DOCK5: variants seen among roughly 807,000 people sequenced by gnomAD.
DOCK5 encodes dedicator of cytokinesis protein 5.
A neutral mutation model predicts 251.8 loss-of-function variants in DOCK5; 142 were observed. The observed-to-expected ratio is 0.56, with a 90% confidence interval of 0.49 to 0.65. The LOEUF (loss-of-function observed/expected upper bound fraction) is 0.65, where lower values mean the gene tolerates loss of function less well. Among genes scored for constraint, DOCK5 ranks in the 30% least tolerant of loss-of-function variants. The pLI is 0.00. For synonymous variants in DOCK5, 842 were observed against 835.5 expected (o/e 1.01, Z -0.13); for missense variants, 2,111 against 2,312.3 (o/e 0.91, Z 1.79).
chr8:25,336,352 A>G lies in DOCK5; in HGVS notation c.2306A>G (p.Gln769Arg). Residue 769 changes from glutamine to arginine, a missense_variant, in exon 22 of 52, where the codon CAA becomes CGA. Coordinates refer to ENST00000276440, the MANE Select transcript of DOCK5 (RefSeq NM_024940.8). ...AAGTACTTGTTTAGATTCATCATCCAATCCCGAGTGCTCTACTTGAGGTAA... is the reference window on the plus strand; with the variant it reads ...AAGTACTTGTTTAGATTCATCATCCGATCCCGAGTGCTCTACTTGAGGTAA... ...ALKYLFRFII[Q>R]SRVLYLRFYG... 6.2e-7 allele frequency: 1 copy of G among 1,613,924 alleles called. No homozygotes were observed. Among genetic ancestry groups the G allele is most frequent in the Non-Finnish European group, 8.5e-7 (1 of 1,179,818 alleles).
intron 34 of DOCK5, among the ~76,000 whole-genome samples, chr8:25,372,259 A>G (rs1800885814): frequency 6.6e-6 from 1 of 152,354 alleles, no homozygotes; most frequent in South Asian, 2.1e-4. Context: ...AAAAACAGAC[A>G]TTGAAAGAAG....
At chr8:25,402,384 C>G (rs1158944759) in intron 47 of DOCK5, among the ~76,000 whole-genome samples, 1 of 152,138 alleles carries the variant, frequency 6.6e-6, no homozygotes, top group African/African-American at 2.4e-5. Context: ...GCAAGCTCTG[C>G]CTCCCAGGTT....
At chr8:25,220,555 C>A (rs1258649087) in intron 1 of DOCK5, among the ~76,000 whole-genome samples, 1 of 151,872 alleles carries the variant, frequency 6.6e-6, no homozygotes, top group Non-Finnish European at 1.5e-5. Context: ...TTCTGTTACC[C>A]CCAGCTCTCC....
chr8:25,301,324 G>A (rs2117166902), intron 9 of DOCK5, among the ~76,000 whole-genome samples: 1 of 152,210 alleles, frequency 6.6e-6, no homozygotes, highest in African/African-American at 2.4e-5. Context: ...ATTAACAGAA[G>A]CCTTGCAGAC....
chr8:25,240,472 C>T (rs773269383), intron 1 of DOCK5, among the ~76,000 whole-genome samples: 1 of 152,164 alleles, frequency 6.6e-6, no homozygotes, highest in Admixed American at 6.5e-5. Flanking sequence ...ATTCCCTCCT[C>T]ACAGCCCCAG....
intron 26 of DOCK5, 87 bp from the exon 27 acceptor site, chr8:25,351,644 T>G (rs1800470281): frequency 9.7e-7 from 1 of 1,034,572 alleles, no homozygotes; most frequent in Admixed American, 2.4e-5. Context: ...AAAAGAGATC[T>G]AAAGACAAAA....
intron 26 of DOCK5, among the ~76,000 whole-genome samples, chr8:25,348,230 C>T (rs748233255): frequency 2.6e-5 from 4 of 152,114 alleles, no homozygotes; most frequent in Non-Finnish European, 2.9e-5. Flanking sequence ...TTGCAGGATT[C>T]CCTCCTCTCC....
intron 26 of DOCK5, among the ~76,000 whole-genome samples, chr8:25,347,868 A>C (rs1274120724): frequency 6.6e-6 from 1 of 152,198 alleles, no homozygotes; most frequent in Admixed American, 6.5e-5. Flanking sequence ...TGTTTAATAC[A>C]TCACATCTCT....
intron 2 of DOCK5, among the ~76,000 whole-genome samples, chr8:25,252,565 T>C (rs1251742336): frequency 6.6e-6 from 1 of 152,206 alleles, no homozygotes; most frequent in Non-Finnish European, 1.5e-5. Context: ...CATGTGGCAT[T>C]TTGTTGAGTG....
intron 1 of DOCK5, among the ~76,000 whole-genome samples, chr8:25,195,393 A>C (rs1801697844): frequency 6.6e-6 from 1 of 151,932 alleles, no homozygotes; most frequent in Admixed American, 6.6e-5. Context: ...AGCCCAGCTA[A>C]GAGGAACTTT....
intron 11 of DOCK5, chr8:25,304,593 T>G: frequency 2.6e-6 from 1 of 382,392 alleles, no homozygotes; most frequent in Non-Finnish European, 4.6e-6. Context: ...TGCTCTGGAA[T>G]GCAGAGAGGG....
chr8:25,346,140 G>A (rs1169684830), intron 26 of DOCK5, among the ~76,000 whole-genome samples: 1 of 149,060 alleles, frequency 6.7e-6, no homozygotes, highest in Admixed American at 6.7e-5. Flanking sequence ...ATGAGCCATC[G>A]CGCCCAGCCC....
In DOCK5 at chr8:25,184,931, A is replaced by C. The variant is rs1801391816; in HGVS notation, c.23A>C (p.Lys8Thr). 6.9e-7 allele frequency: 1 copy of C among 1,442,506 alleles called. No homozygotes were observed. The highest frequency in any genetic ancestry group is 1.5e-5 in the African/African-American group (1 of 68,678). 89.4% of individuals were successfully genotyped at this position (1,442,506 alleles called of 1,614,324 possible). A position where few individuals can be genotyped will look rare whatever the true frequency, so the allele number is the denominator to read the frequency against. MARWIPT[K>T]RQKYGVAIYN... ...GCCATGGCCCGCTGGATCCCGACCAAGAGGCAGAAGTACGGGGTTGGTGAG... is the reference window on the plus strand; with the variant it reads ...GCCATGGCCCGCTGGATCCCGACCACGAGGCAGAAGTACGGGGTTGGTGAG... Residue 8 changes from lysine (K) to threonine (T), a missense_variant, in exon 1 of 52, where the codon AAG (lysine) becomes ACG (threonine). Lys to Thr is a moderately conservative substitution (Grantham distance 78). This residue lies in a region of DOCK5 where 335 missense variants were observed against 324.9 expected (regional missense o/e 1.03). Coordinates refer to ENST00000276440, the MANE Select transcript of DOCK5 (RefSeq NM_024940.8).
At chr8:25,232,548 G>T (rs1336570973) in intron 1 of DOCK5, among the ~76,000 whole-genome samples, 1 of 152,186 alleles carries the variant, frequency 6.6e-6, no homozygotes, top group Non-Finnish European at 1.5e-5. Flanking sequence ...GGTGAGGGCA[G>T]TCAGGTTCTG....
At chr8:25,219,121 A>G (rs1017208557) in intron 1 of DOCK5, among the ~76,000 whole-genome samples, 5 of 152,132 alleles carry the variant, frequency 3.3e-5, no homozygotes, top group African/African-American at 1.2e-4. Flanking sequence ...CTGCTCTTCT[A>G]CCTGGCTACT....
At chr8:25,275,634 A>G (rs1804028286) in intron 4 of DOCK5, among the ~76,000 whole-genome samples, 193 bp downstream of exon 4, 1 of 152,174 alleles carries the variant, frequency 6.6e-6, no homozygotes, top group Non-Finnish European at 1.5e-5. Context: ...CAGGAGTTCG[A>G]AACCAGCCTG....
chr8:25,341,849 G>C (rs913948657), intron 24 of DOCK5, 40 bp downstream of exon 24: 1 of 1,500,026 alleles, frequency 6.7e-7, no homozygotes, highest in Non-Finnish European at 9.1e-7. Context: ...AACTCTAACA[G>C]AAACAGCTCC....
At chr8:25,224,483 T>A (rs144124119) in intron 1 of DOCK5, among the ~76,000 whole-genome samples, 2 of 152,362 alleles carry the variant, frequency 1.3e-5, no homozygotes, top group African/African-American at 4.8e-5. Flanking sequence ...GCATATATTA[T>A]GGACATTCTT....
At chr8:25,242,163 A>C (rs527596776) in intron 1 of DOCK5, among the ~76,000 whole-genome samples, 9 of 152,142 alleles carry the variant, frequency 5.9e-5, no homozygotes, top group South Asian at 2.1e-4. Flanking sequence ...TAAAAAAAAA[A>C]CCTTAACTTA....
Sources: allele counts gnomAD v4.1 joint callset (sites outside exome capture counted in the v4.1 genomes callset), GRCh38; gene constraint gnomAD v4.1.1; regional missense constraint gnomAD v4.1.1; transcripts MANE v1.5; gene names NCBI Gene and HGNC (gene_info 2026-07-23, HGNC 2026-07-21).